KLF17: variants seen among roughly 807,000 people sequenced by gnomAD.
KLF17 encodes KLF transcription factor 17, also known as Krueppel-like factor 17.
A neutral mutation model predicts 34.2 loss-of-function variants in KLF17; 31 were observed. The observed-to-expected ratio is 0.91, with a 90% CI of 0.68 to 1.22. The LOEUF is 1.22. Among genes scored for constraint, KLF17 ranks in the 50% most tolerant of loss-of-function variants. The pLI is 0.00. For synonymous variants in KLF17, 179 were observed against 186.7 expected (o/e 0.96, Z 0.34); for missense variants, 478 against 505.2 (o/e 0.95, Z 0.52).
chr1:44,083,981 G>T, the KLF17 span, among the ~76,000 whole-genome samples: 2 of 152,094 alleles, frequency 1.3e-5, no homozygotes, highest in Admixed American at 6.6e-5. Context: ...CTCCAGCTCA[G>T]TTTCACCAGG....
chr1:44,132,515 C>G (rs143849777), intron 3 of KLF17, among the ~76,000 whole-genome samples: 1 of 152,164 alleles, frequency 6.6e-6, no homozygotes, highest in African/African-American at 2.4e-5. Flanking sequence ...CCACCCCAGC[C>G]TATTAAATAC....
the KLF17 span, among the ~76,000 whole-genome samples, chr1:44,077,083 T>A: frequency 2.7e-5 from 4 of 150,424 alleles, no homozygotes; most frequent in East Asian, 2.0e-4. Context: ...AGTGGCTCAC[T>A]CCTGTAATCC....
chr1:44,078,476 A>G, the KLF17 span, among the ~76,000 whole-genome samples: 1 of 139,642 alleles, frequency 7.2e-6, no homozygotes, highest in Non-Finnish European at 1.5e-5. Flanking sequence ...CCCTGTTGCC[A>G]GGCTGCAGTG....
upstream of KLF17, among the ~76,000 whole-genome samples, chr1:44,118,302 G>C (rs1336175530): frequency 6.6e-6 from 1 of 152,150 alleles, no homozygotes; most frequent in Non-Finnish European, 1.5e-5. Flanking sequence ...CAACACACAC[G>C]GGGCACTCAG....
At chr1:44,113,441 AAGTTCTCTGTACTCAATC>A in the KLF17 span, among the ~76,000 whole-genome samples, 2 of 152,190 alleles carry the variant, frequency 1.3e-5, no homozygotes, top group Non-Finnish European at 1.5e-5. Context: ...GTTCTCTACT[AAGTTCTCTGTACTCAATC>A]AGTTCTCTGT....
the KLF17 span, among the ~76,000 whole-genome samples, chr1:44,055,182 A>C: frequency 6.6e-6 from 1 of 152,138 alleles, no homozygotes; most frequent in Non-Finnish European, 1.5e-5. Flanking sequence ...AAAGCATAGG[A>C]CTGATGGGGC....
At chr1:44,087,263 TG>T in the KLF17 span, among the ~76,000 whole-genome samples, 10 of 152,050 alleles carry the variant, frequency 6.6e-5, no homozygotes, top group Non-Finnish European at 8.8e-5. Flanking sequence ...TTTGTTTGTT[TG>T]TTTATTTTGA....
chr1:44,129,377 T>C lies in KLF17; in HGVS notation c.106T>C (p.Leu36=), dbSNP rs371085636. 1.3e-6 allele frequency: 2 copies of C among 1,518,878 alleles called. No homozygotes were observed. The highest frequency in any genetic ancestry group is 1.8e-6 in the Non-Finnish European group (2 of 1,134,012). 94.1% of individuals were successfully genotyped at this position (1,518,878 alleles called of 1,614,324 possible). A position where few individuals can be genotyped will look rare whatever the true frequency, so the allele number is the denominator to read the frequency against. Residue 36 remains leucine (L), a synonymous_variant, in exon 2 of 4, where the codon TTG becomes CTG. Transcript: ENST00000372299. The stretch of plus-strand genomic sequence containing the variant: ...GGATAACGAGAACTCAGCGCCCATC[T>C]TGAACATGTCTTCATCTTCTGGAAG... ...AQDNENSAPI[L]NMSSSSGSSG... is the part of the protein sequence containing the mutation.
At chr1:44,061,127 A>C in the KLF17 span, 1 of 152,218 alleles carries the variant, frequency 6.6e-6, no homozygotes, top group Non-Finnish European at 1.5e-5. Flanking sequence ...TCTATATTAC[A>C]ACAGTTCCAG....
chr1:44,062,773 C>G, the KLF17 span, among the ~76,000 whole-genome samples: 2 of 151,204 alleles, frequency 1.3e-5, no homozygotes, highest in Admixed American at 6.6e-5. Context: ...AAACGAGGAA[C>G]CTCTTACATT....
chr1:44,046,129 G>GATAATAATAATA, the KLF17 span: 96 of 141,772 alleles, frequency 6.8e-4, no homozygotes, highest in South Asian at 1.2e-3. Flanking sequence ...TTTGGTAAAG[G>GATAATAATAATA]ATAATAATAA....
chr1:44,067,427 T>C, the KLF17 span, among the ~76,000 whole-genome samples: 1 of 152,128 alleles, frequency 6.6e-6, no homozygotes, highest in Non-Finnish European at 1.5e-5. Flanking sequence ...GGCTCTTAGG[T>C]CAGGTTCCCG....
chr1:44,107,581 G>A, the KLF17 span, among the ~76,000 whole-genome samples: 4 of 152,100 alleles, frequency 2.6e-5, no homozygotes, highest in Admixed American at 6.6e-5. Flanking sequence ...ATTCCACTCC[G>A]TCCTGCTCAG....
the KLF17 span, among the ~76,000 whole-genome samples, chr1:44,091,913 C>T: frequency 1.0e-4 from 10 of 98,604 alleles, no homozygotes; most frequent in Non-Finnish European, 1.8e-4. Flanking sequence ...AACTCTGTCT[C>T]AAAAAAAAAA....
chr1:44,121,304 G>A (rs534709462), intron 1 of KLF17, among the ~76,000 whole-genome samples: 8 of 152,130 alleles, frequency 5.3e-5, no homozygotes, highest in Admixed American at 2.0e-4. Context: ...TTTTAGTAGC[G>A]GGATTTTGCT....
chr1:44,057,039 C>G, the KLF17 span, among the ~76,000 whole-genome samples: 2 of 151,980 alleles, frequency 1.3e-5, no homozygotes, highest in African/African-American at 4.8e-5. Context: ...TAGAACAGAC[C>G]TACTCTAGCA....
the KLF17 span, among the ~76,000 whole-genome samples, chr1:44,084,942 G>A: frequency 4.1e-5 from 6 of 146,258 alleles, no homozygotes; most frequent in Admixed American, 6.8e-5. Context: ...AAAAAAAAAA[G>A]AATTACCAAG....
intron 1 of KLF17, among the ~76,000 whole-genome samples, chr1:44,124,442 G>A (rs1571987206): frequency 6.7e-6 from 1 of 148,268 alleles, no homozygotes. Flanking sequence ...TGATTCTCCT[G>A]CCTCAGCCTC....
the KLF17 span, among the ~76,000 whole-genome samples, chr1:44,059,048 G>A: frequency 5.3e-5 from 8 of 152,098 alleles, no homozygotes; most frequent in East Asian, 1.9e-4. Context: ...GTACACCTAC[G>A]GCTGTTAAAC....
Sources: gnomAD v4.1 joint callset for allele counts (sites outside exome capture counted in the v4.1 genomes callset) on GRCh38, gnomAD v4.1.1 for gene constraint, MANE v1.5 for transcripts, NCBI Gene and HGNC (gene_info 2026-07-23, HGNC 2026-07-21) for gene names.